The following CFAP44 variants were observed in gnomAD, a reference collection of about 807,000 sequenced individuals.
CFAP44 encodes cilia- and flagella-associated protein 44.
Under a neutral mutation model 216.2 loss-of-function variants are expected in CFAP44, and 134 were observed. The ratio of observed to expected loss-of-function variants is 0.62; its 90% CI spans 0.54 to 0.72. CFAP44 has a LOEUF of 0.72. Ranked by LOEUF, CFAP44 falls within the 30% of genes least tolerant of loss-of-function variation. The pLI, the probability that CFAP44 is intolerant of heterozygous loss-of-function variation, is 0.00. For missense variants in CFAP44, 2,035 were observed against 2,182.1 expected, an observed-to-expected ratio of 0.93 and a Z score of 1.34; for synonymous variants, 700 against 727.6, an observed-to-expected ratio of 0.96 and a Z score of 0.61.
chr3:113,349,634 T>A (rs189317298), intron 22 of CFAP44, among the ~76,000 whole-genome samples: 1 of 152,338 alleles, frequency 6.6e-6, no homozygotes, highest in Non-Finnish European at 1.5e-5. Flanking sequence ...GAAGGTGCAC[T>A]GCCGCAGAGG....
At chr3:113,403,095 G>GA (rs57558500) in intron 9 of CFAP44, among the ~76,000 whole-genome samples, 24 of 148,766 alleles carry the variant, frequency 1.6e-4, no homozygotes, top group African/African-American at 4.2e-4. Flanking sequence ...TCTTAAAAAA[G>GA]AAAAAAAAAA....
intron 32 of CFAP44, among the ~76,000 whole-genome samples, chr3:113,302,418 GATTTA>G (rs1247650289): frequency 9.4e-6 from 1 of 105,916 alleles, no homozygotes; most frequent in African/African-American, 3.5e-5. Context: ...ACTATATTAA[GATTTA>G]AAACATCTGT....
chr3:113,429,314 GATT>G (rs1935042072), intron 2 of CFAP44, among the ~76,000 whole-genome samples: 1 of 152,010 alleles, frequency 6.6e-6, no homozygotes, highest in African/African-American at 2.4e-5. Flanking sequence ...ACACATTTAT[GATT>G]ATTATGTTTT....
chr3:113,320,423 A>ATGATATATATTGATATATATGATATATG (rs1553753169), intron 28 of CFAP44, among the ~76,000 whole-genome samples: 2 of 137,790 alleles, frequency 1.5e-5, no homozygotes, highest in East Asian at 2.1e-4. Context: ...TGATATATAT[A>ATGATATATATTGATATATATGATATATG]TGATATATAT....
chr3:113,339,999 G>A (rs1950316237), intron 24 of CFAP44, among the ~76,000 whole-genome samples: 1 of 152,190 alleles, frequency 6.6e-6, no homozygotes, highest in South Asian at 2.1e-4. Context: ...GGGAGGAGAG[G>A]GTCAATTGGC....
At chr3:113,396,425 T>C (rs1933992016) in intron 14 of CFAP44, 93 bp downstream of exon 14, 16 of 1,337,258 alleles carry the variant, frequency 1.2e-5, no homozygotes, top group Non-Finnish European at 1.5e-5. Context: ...AGAAAATGAA[T>C]TTCAGTAAAT....
At chr3:113,428,239 G>C (rs1935014561) in intron 2 of CFAP44, among the ~76,000 whole-genome samples, 1 of 152,192 alleles carries the variant, frequency 6.6e-6, no homozygotes, top group African/African-American at 2.4e-5. Flanking sequence ...TCAAGATTAG[G>C]GCACTACAAG....
chr3:113,314,863 C>T (rs1195465039), intron 28 of CFAP44, among the ~76,000 whole-genome samples: 3 of 151,998 alleles, frequency 2.0e-5, no homozygotes, highest in African/African-American at 4.8e-5. Context: ...TAAATGATGA[C>T]ATTGGTAGAC....
At chr3:113,331,857 C>A (rs73235056) in intron 25 of CFAP44, among the ~76,000 whole-genome samples, 1,638 of 151,934 alleles carry the variant, frequency 0.011, 26 homozygotes, top group Middle Eastern at 0.017. Context: ...TTGACCATGA[C>A]AATAAAGACC....
In CFAP44 at chr3:113,330,358, A is replaced by T. The variant is rs956033549; in HGVS notation, c.3926T>A (p.Leu1309His). 2 of 1,537,268 alleles carry T rather than the reference A, an allele frequency of 1.3e-6. No individual in the cohort carries two copies. Among genetic ancestry groups the T allele is most frequent in the Non-Finnish European group, 1.7e-6 (2 of 1,146,896 alleles). Residue 1309 changes from leucine to histidine, a missense_variant, in exon 26 of 35, where the codon CTC (leucine) becomes CAC (histidine). Coordinates refer to ENST00000393845, the MANE Select transcript of CFAP44 (RefSeq NM_001164496.2). ...SGGPVGGFLK[L>H]SSRKDGDLTT... ...CAAATCCCCATCCTTTCTAGAAGAG[A>T]GTTTGAGGAATCCTCCAACTGGGCC...
At chr3:113,363,622 T>C (rs1218402619) in intron 19 of CFAP44, 90 bp from the exon 20 acceptor site, 12 of 1,173,706 alleles carry the variant, frequency 1.0e-5, no homozygotes, top group Non-Finnish European at 1.3e-5. Flanking sequence ...AAAACTCAAA[T>C]TGGTTCGGTT....
In CFAP44 at chr3:113,395,737, A is replaced by C; in HGVS notation, c.1890+13T>G. ...TTGAGATTCAAACAGGAAGACAAAT[A>C]ATAATGACTTACATGAGACATGGGA... On this transcript the variant is annotated intron_variant, in intron 15 of 34. Coordinates refer to ENST00000393845, the MANE Select transcript of CFAP44 (RefSeq NM_001164496.2). 6.3e-7 allele frequency: 1 copy of C among 1,578,056 alleles called. No homozygotes were observed. The highest frequency in any genetic ancestry group is 8.6e-7 in the Non-Finnish European group (1 of 1,158,774).
chr3:113,335,835 G>T (rs533467615), intron 24 of CFAP44, among the ~76,000 whole-genome samples: 1 of 152,094 alleles, frequency 6.6e-6, no homozygotes, highest in East Asian at 1.9e-4. Context: ...CTGTATATGC[G>T]TGGCCATAAC....
intron 17 of CFAP44, among the ~76,000 whole-genome samples, chr3:113,377,729 T>G (rs1298703986): frequency 6.6e-6 from 1 of 152,124 alleles, no homozygotes; most frequent in Non-Finnish European, 1.5e-5. Flanking sequence ...CTCGGCTCAC[T>G]GCAACCTTCA....
chr3:113,299,163 T>C (rs75885824), intron 32 of CFAP44, among the ~76,000 whole-genome samples: 5,120 of 152,248 alleles, frequency 0.034, 265 homozygotes, highest in African/African-American at 0.11. Context: ...AAATTATTCA[T>C]CTGACAAGGG....
chr3:113,393,634 A>G (rs746991195), intron 15 of CFAP44, among the ~76,000 whole-genome samples: 2 of 151,736 alleles, frequency 1.3e-5, no homozygotes, highest in African/African-American at 4.8e-5. Flanking sequence ...TCCCACCTCA[A>G]CCTCCCGAGT....
intron 18 of CFAP44, 147 bp from the exon 19 acceptor site, chr3:113,366,456 C>T (rs1576572870): frequency 1.1e-6 from 1 of 890,760 alleles, no homozygotes; most frequent in Middle Eastern, 3.5e-4. Context: ...AAGCCCTAAC[C>T]CCTAATACTT....
intron 14 of CFAP44, 108 bp downstream of exon 14, chr3:113,396,410 T>A: frequency 8.2e-7 from 1 of 1,225,342 alleles, no homozygotes; most frequent in Non-Finnish European, 1.1e-6. Flanking sequence ...TGTGAATATA[T>A]TGATAGAAAA....
intron 32 of CFAP44, among the ~76,000 whole-genome samples, chr3:113,300,180 T>C (rs575219211): frequency 2.5e-4 from 38 of 152,038 alleles, no homozygotes; most frequent in Non-Finnish European, 4.7e-4. Context: ...CTCATGGAGA[T>C]AGAGAGTAGA....
Sources: gnomAD v4.1 joint callset for allele counts (sites outside exome capture counted in the v4.1 genomes callset) on GRCh38, gnomAD v4.1.1 for gene constraint, MANE v1.5 for transcripts, NCBI Gene and HGNC (gene_info 2026-07-23, HGNC 2026-07-21) for gene names.